FGF12: variants seen among roughly 807,000 people sequenced by gnomAD.
The protein encoded by FGF12 is fibroblast growth factor 12.
Under a neutral mutation model 23.6 loss-of-function variants are expected in FGF12, and 14 were observed. The ratio of observed to expected loss-of-function variants is 0.59; its 90% CI spans 0.39 to 0.93. The LOEUF (loss-of-function observed/expected upper bound fraction) is 0.93, where lower values mean the gene tolerates loss of function less well. Ranked by LOEUF, FGF12 falls within the 40% of genes least tolerant of loss-of-function variation. The pLI, the probability that FGF12 is intolerant of heterozygous loss-of-function variation, is 0.00. For synonymous variants in FGF12, 62 were observed against 77.3 expected (o/e 0.80, Z 1.04); for missense variants, 175 against 217.8 (o/e 0.80, Z 1.24).
chr3:192,687,826 G>A (rs991121838), intron 2 of FGF12, among the ~76,000 whole-genome samples: 3 of 152,182 alleles, frequency 2.0e-5, no homozygotes, highest in East Asian at 1.9e-4. Context: ...GTCCCAACCC[G>A]CAGCTGACAC....
chr3:192,191,537 C>G (rs371401461), intron 4 of FGF12, among the ~76,000 whole-genome samples: 1 of 151,766 alleles, frequency 6.6e-6, no homozygotes, highest in Non-Finnish European at 1.5e-5. Context: ...TAAAACTGCT[C>G]TAAAAATAGT....
chr3:192,395,082 G>A (rs180679180), intron 2 of FGF12, among the ~76,000 whole-genome samples: 1 of 152,238 alleles, frequency 6.6e-6, no homozygotes, highest in East Asian at 1.9e-4. Flanking sequence ...TTAACCTAAC[G>A]TTAAGAAACC....
intron 4 of FGF12, among the ~76,000 whole-genome samples, chr3:192,208,841 A>G (rs1717784663): frequency 6.6e-6 from 1 of 152,210 alleles, no homozygotes; most frequent in Non-Finnish European, 1.5e-5. Context: ...CGTGAGAGGT[A>G]TCTAACTTAG....
At chr3:192,416,368 C>T (rs534540078) in intron 2 of FGF12, among the ~76,000 whole-genome samples, 3 of 152,188 alleles carry the variant, frequency 2.0e-5, no homozygotes, top group African/African-American at 7.2e-5. Flanking sequence ...GATAAGTTGT[C>T]CTTACATAAA....
intron 4 of FGF12, among the ~76,000 whole-genome samples, chr3:192,193,526 T>C (rs1397347913): frequency 6.6e-6 from 1 of 152,184 alleles, no homozygotes; most frequent in Non-Finnish European, 1.5e-5. Flanking sequence ...CCTAACATTA[T>C]AATCATCAAA....
intron 4 of FGF12, among the ~76,000 whole-genome samples, chr3:192,334,291 A>G (rs985758163): frequency 1.3e-5 from 2 of 152,206 alleles, no homozygotes; most frequent in East Asian, 1.9e-4. Flanking sequence ...GAGAGTATCA[A>G]TTTCTGAGCT....
chr3:192,510,132 A>G (rs1346599698), intron 2 of FGF12, among the ~76,000 whole-genome samples: 6 of 152,178 alleles, frequency 3.9e-5, no homozygotes, highest in Non-Finnish European at 8.8e-5. Flanking sequence ...GAAAGCTTCC[A>G]GTGTGTCACT....
intron 2 of FGF12, among the ~76,000 whole-genome samples, chr3:192,450,454 C>T (rs1361824026): frequency 6.6e-6 from 1 of 152,118 alleles, no homozygotes; most frequent in Non-Finnish European, 1.5e-5. Flanking sequence ...ATAGATAGAA[C>T]CGAACATAGG....
At chr3:192,362,397 C>T (rs898515413) in intron 2 of FGF12, among the ~76,000 whole-genome samples, 3 of 152,084 alleles carry the variant, frequency 2.0e-5, no homozygotes, top group Admixed American at 1.3e-4. Context: ...ACCCCTCCAC[C>T]CCACGACAGT....
intron 2 of FGF12, among the ~76,000 whole-genome samples, chr3:192,703,304 TG>T (rs1718361577): frequency 6.6e-6 from 1 of 152,224 alleles, no homozygotes; most frequent in Admixed American, 6.5e-5. Flanking sequence ...GTCTATTAAG[TG>T]TATAAGAGCA....
intron 2 of FGF12, among the ~76,000 whole-genome samples, chr3:192,693,519 T>C (rs1718011376): frequency 6.6e-6 from 1 of 152,170 alleles, no homozygotes; most frequent in South Asian, 2.1e-4. Flanking sequence ...CAAATTATAT[T>C]ACCAAGATAA....
chr3:192,471,341 A>G (rs1387628974), intron 2 of FGF12, among the ~76,000 whole-genome samples: 1 of 152,204 alleles, frequency 6.6e-6, no homozygotes, highest in Non-Finnish European at 1.5e-5. Flanking sequence ...ACTTTTTAAC[A>G]TTTCTCTCCT....
At chr3:192,500,637 A>T (rs558324624) in intron 2 of FGF12, among the ~76,000 whole-genome samples, 4 of 152,332 alleles carry the variant, frequency 2.6e-5, no homozygotes, top group African/African-American at 7.2e-5. Context: ...GTTAACATGA[A>T]TGTAAGAAAT....
At chr3:192,683,383 A>C (rs1342057726) in intron 2 of FGF12, among the ~76,000 whole-genome samples, 1 of 152,210 alleles carries the variant, frequency 6.6e-6, no homozygotes, top group Non-Finnish European at 1.5e-5. Flanking sequence ...GACTCTAAAC[A>C]CCTTCTACAA....
chr3:192,675,928 T>C (rs1717311113), intron 2 of FGF12, among the ~76,000 whole-genome samples: 1 of 152,116 alleles, frequency 6.6e-6, no homozygotes, highest in African/African-American at 2.4e-5. Flanking sequence ...ACTCCCCTAA[T>C]AGGGTCTTAA....
At chr3:192,506,892 GTTTTT>G (rs34935744) in intron 2 of FGF12, among the ~76,000 whole-genome samples, 1 of 123,420 alleles carries the variant, frequency 8.1e-6, no homozygotes, top group Non-Finnish European at 1.8e-5. Context: ...CATTAACTCA[GTTTTT>G]TTTTTTTTTT....
In FGF12 at chr3:192,408,285, GGGGCGA is replaced by G; in HGVS notation, c.14-47753_14-47748del. The G allele has an allele frequency of 6.7e-7, 1 of 1,492,000 alleles. No individual in the cohort carries two copies. The highest frequency in any genetic ancestry group is 2.4e-5 in the East Asian group (1 of 41,624). 92.4% of individuals were successfully genotyped at this position (1,492,000 alleles called of 1,614,324 possible). A position where few individuals can be genotyped will look rare whatever the true frequency, so the allele number is the denominator to read the frequency against. On this transcript the variant is annotated intron_variant, in intron 2 of 5. Coordinates refer to ENST00000445105, the MANE Select transcript of FGF12 (RefSeq NM_004113.6). This position sits in a 1 kb window ranked among gnomAD's most constrained non-coding sequence, Gnocchi z 7.3. ...TGCGCCCTCCGGCTTGCGCTCCGCC[GGGGCGA>G]GGGCAGGACCTGGGCGGCCAGGGAA...
At position 192,402,814 on chromosome 3, in the gene FGF12, C is replaced by A. The variant is rs550366083; in HGVS notation, c.14-42276G>T. On this transcript the variant is annotated intron_variant, in intron 2 of 5. Transcript: ENST00000445105. ...AATTTATAGGCATTTTGCATCTAAGCCTTCTCCCACTCACAGATGCTTAGG... is the reference window on the plus strand; with the variant it reads ...AATTTATAGGCATTTTGCATCTAAGACTTCTCCCACTCACAGATGCTTAGG... Among the ~76,000 whole-genome samples, 17 of 152,232 alleles carry A rather than the reference C, an allele frequency of 1.1e-4. No individual in the cohort carries two copies. The East Asian group carries it at 3.3e-3, about 29-fold the overall frequency.
chr3:192,670,176 T>C (rs952032843), intron 2 of FGF12, among the ~76,000 whole-genome samples: 5 of 152,224 alleles, frequency 3.3e-5, no homozygotes, highest in African/African-American at 1.2e-4. Flanking sequence ...TCCAGCTGTC[T>C]TTTATTAAGG....
Sources: allele counts gnomAD v4.1 joint callset (sites outside exome capture counted in the v4.1 genomes callset), GRCh38; gene constraint gnomAD v4.1.1; non-coding constraint Gnocchi (gnomAD v3.1); transcripts MANE v1.5; gene names NCBI Gene and HGNC (gene_info 2026-07-23, HGNC 2026-07-21).